ADAMTSL1: variants seen among roughly 807,000 people sequenced by gnomAD.
ADAMTSL1 encodes the protein ADAMTS-like protein 1.
ADAMTSL1 carries 126 observed loss-of-function variants against 201.8 expected under a neutral mutation model. The ratio of observed to expected loss-of-function variants is 0.62; its 90% CI spans 0.54 to 0.72. The LOEUF (loss-of-function observed/expected upper bound fraction) is 0.72, where lower values mean the gene tolerates loss of function less well. Among genes scored for constraint, ADAMTSL1 ranks in the 30% least tolerant of loss-of-function variants. The pLI is 0.00. For synonymous variants in ADAMTSL1, 1,121 were observed against 903.4 expected, an observed-to-expected ratio of 1.24 and a Z score of -4.32; for missense variants, 2,679 against 2,277.8, an observed-to-expected ratio of 1.18 and a Z score of -3.59.
intron 19 of ADAMTSL1, among the ~76,000 whole-genome samples, chr9:18,786,183 A>C (rs715212): frequency 0.27 from 41,006 of 152,182 alleles, 5,691 homozygotes; most frequent in Non-Finnish European, 0.29. Flanking sequence ...TGATACTCCT[A>C]CTAACATGGA....
chr9:18,110,278 G>T (rs988719210), intron 1 of ADAMTSL1, among the ~76,000 whole-genome samples: 1 of 152,094 alleles, frequency 6.6e-6, no homozygotes, highest in Non-Finnish European at 1.5e-5. Flanking sequence ...GCATCTCAAG[G>T]GTCTTCCATG....
chr9:18,334,692 A>G (rs1013991703), intron 2 of ADAMTSL1, among the ~76,000 whole-genome samples: 11 of 152,282 alleles, frequency 7.2e-5, no homozygotes, highest in Non-Finnish European at 7.4e-5. Context: ...ATCTTCCAAC[A>G]AATAGAGTCT....
chr9:18,289,740 A>T (rs888757411), intron 2 of ADAMTSL1, among the ~76,000 whole-genome samples: 1 of 152,178 alleles, frequency 6.6e-6, no homozygotes, highest in Non-Finnish European at 1.5e-5. Flanking sequence ...TTTCATTTTT[A>T]TTCAGCTGTT....
At chr9:18,391,824 CTTTTTT>C (rs11407945) in intron 2 of ADAMTSL1, among the ~76,000 whole-genome samples, 3 of 116,740 alleles carry the variant, frequency 2.6e-5, no homozygotes, top group Admixed American at 2.1e-4. Context: ...TCTTTTCTTT[CTTTTTT>C]TTTTTTTTTT....
At chr9:18,324,667 G>A (rs1834759084) in intron 2 of ADAMTSL1, among the ~76,000 whole-genome samples, 1 of 151,840 alleles carries the variant, frequency 6.6e-6, no homozygotes, top group South Asian at 2.1e-4. Flanking sequence ...GGGAGGCTGA[G>A]GCAGGAGAAT....
intron 1 of ADAMTSL1, among the ~76,000 whole-genome samples, chr9:18,100,762 C>T (rs1197063149): frequency 6.6e-6 from 1 of 152,154 alleles, no homozygotes. Flanking sequence ...CCACTTCATA[C>T]CTTACCAGGA....
chr9:18,068,697 C>CTAG (rs1379444127), intron 1 of ADAMTSL1, among the ~76,000 whole-genome samples: 2 of 152,166 alleles, frequency 1.3e-5, no homozygotes, highest in Non-Finnish European at 2.9e-5. Flanking sequence ...TGTTGTGAAT[C>CTAG]TAGAAATTTT....
At chr9:18,563,897 T>G (rs1040597078) in intron 3 of ADAMTSL1, among the ~76,000 whole-genome samples, 4 of 152,218 alleles carry the variant, frequency 2.6e-5, no homozygotes, top group Non-Finnish European at 4.4e-5. Flanking sequence ...GACTTCAGAC[T>G]GCTGTGCTGG....
chr9:18,220,272 T>C (rs1830206721), intron 2 of ADAMTSL1, among the ~76,000 whole-genome samples: 1 of 152,198 alleles, frequency 6.6e-6, no homozygotes, highest in Non-Finnish European at 1.5e-5. Context: ...GCTCTTACAT[T>C]TTAAGCTTAT....
intron 1 of ADAMTSL1, among the ~76,000 whole-genome samples, chr9:18,119,799 CA>C (rs1252993540): frequency 1.3e-5 from 2 of 151,992 alleles, no homozygotes; most frequent in Admixed American, 1.3e-4. Flanking sequence ...CACCCTTTGC[CA>C]AAACTGCTCA....
chr9:18,726,544 C>T (rs978108477), intron 15 of ADAMTSL1, among the ~76,000 whole-genome samples: 1 of 151,756 alleles, frequency 6.6e-6, no homozygotes, highest in African/African-American at 2.4e-5. Flanking sequence ...GCAACTATCT[C>T]CCTGGTTTAC....
chr9:18,378,722 G>T (rs1223759781), intron 2 of ADAMTSL1, among the ~76,000 whole-genome samples: 2 of 152,068 alleles, frequency 1.3e-5, no homozygotes, highest in Non-Finnish European at 2.9e-5. Context: ...TGTACATTAA[G>T]TTCATCTCTT....
chr9:18,611,770 G>A (rs10963666), intron 4 of ADAMTSL1, among the ~76,000 whole-genome samples: 7,409 of 152,176 alleles, frequency 0.049, 266 homozygotes, highest in East Asian at 0.21. Context: ...GACAGAAATA[G>A]GACTCTTAAA....
At chr9:18,555,400 A>T (rs1251135670) in intron 3 of ADAMTSL1, among the ~76,000 whole-genome samples, 1 of 151,980 alleles carries the variant, frequency 6.6e-6, no homozygotes, top group African/African-American at 2.4e-5. Context: ...ATTTTTATTT[A>T]TACTTAAAGC....
At chr9:18,611,097 C>G (rs983963021) in intron 4 of ADAMTSL1, among the ~76,000 whole-genome samples, 2 of 152,144 alleles carry the variant, frequency 1.3e-5, no homozygotes, top group Admixed American at 6.5e-5. Context: ...ACAAAGGACT[C>G]TTGTGTTTAA....
intron 2 of ADAMTSL1, among the ~76,000 whole-genome samples, chr9:18,275,763 A>G (rs921337848): frequency 1.3e-5 from 2 of 152,164 alleles, no homozygotes; most frequent in Non-Finnish European, 2.9e-5. Context: ...TTAGTGAGTC[A>G]TAGACATTTG....
chr9:18,386,265 A>T (rs1192029862), intron 2 of ADAMTSL1, among the ~76,000 whole-genome samples: 1 of 152,180 alleles, frequency 6.6e-6, no homozygotes, highest in Non-Finnish European at 1.5e-5. Context: ...TTCAAAATAA[A>T]GGGCAACAAA....
intron 20 of ADAMTSL1, among the ~76,000 whole-genome samples, chr9:18,804,276 T>C (rs1293711703): frequency 6.6e-6 from 1 of 152,210 alleles, no homozygotes; most frequent in Non-Finnish European, 1.5e-5. Context: ...GCTTTTGTGA[T>C]GAAGTCTTGC....
At chr9:18,308,210 T>A (rs1401727229) in intron 2 of ADAMTSL1, among the ~76,000 whole-genome samples, 1 of 152,068 alleles carries the variant, frequency 6.6e-6, no homozygotes, top group Non-Finnish European at 1.5e-5. Context: ...AGAGGGAAAT[T>A]TATAGCACTA....
Sources: allele counts gnomAD v4.1 joint callset (sites outside exome capture counted in the v4.1 genomes callset), GRCh38; gene constraint gnomAD v4.1.1; transcripts MANE v1.5; gene names NCBI Gene and HGNC (gene_info 2026-07-23, HGNC 2026-07-21).